EIF4A3: variants seen among roughly 807,000 people sequenced by gnomAD.
EIF4A3 encodes the protein eukaryotic initiation factor 4A-III.
Under a neutral mutation model 55.6 loss-of-function variants are expected in EIF4A3, and 1 was observed. That is an observed-to-expected ratio of 0.02 (90% CI 0.01 to 0.09). The LOEUF (loss-of-function observed/expected upper bound fraction) is 0.09. Ranked by LOEUF, EIF4A3 falls within the 10% of genes least tolerant of loss-of-function variation. The probability of loss-of-function intolerance (pLI) is 1.00; values close to 1 mark genes in which losing one functional copy is unlikely to be tolerated. For synonymous variants in EIF4A3, 194 were observed against 196.3 expected, an observed-to-expected ratio of 0.99 and a Z score of 0.10; for missense variants, 221 against 540.7, an observed-to-expected ratio of 0.41 and a Z score of 5.86.
At chr17:80,138,543 A>G (rs558384464) in intron 7 of EIF4A3, 27 of 439,476 alleles carry the variant, frequency 6.1e-5, no homozygotes, top group Non-Finnish European at 9.8e-5. Context: ...ATAGTCACCT[A>G]ATTTTTAAAT....
In EIF4A3 at chr17:80,139,168, A is replaced by T; in HGVS notation, c.587-6T>A. ...GTAAATCTGCTCTTTGAAACCTGGG[A>T]CAGGGAGCAAGACAGGTGAGGGATG... On this transcript the variant is annotated splice_polypyrimidine_tract_variant and splice_region_variant and intron_variant, in intron 6 of 11. Coordinates refer to ENST00000649764, the MANE Select transcript of EIF4A3 (RefSeq NM_014740.4). 3.1e-6 allele frequency: 5 copies of T among 1,614,032 alleles called. No homozygotes were observed.
In EIF4A3 at chr17:80,138,763, AT is replaced by A. The variant is rs2143988840; in HGVS notation, c.728+257del. 3 of 444,540 alleles carry A rather than the reference AT, an allele frequency of 6.7e-6. No individual in the cohort carries two copies. The South Asian group carries it at 8.1e-5, about 12-fold the overall frequency. The allele number at this position is 444,540 out of a possible 1,614,324, so 27.5% of individuals were successfully genotyped here. ...AGGCATGTGCCGCCCTACCTGGCTA[AT>A]TTTTTATTATTGGTAGAGATACGGT... On this transcript the variant is annotated intron_variant, in intron 7 of 11. Transcript: ENST00000649764.
At chr17:80,136,500 C>A (rs1452582985) in intron 9 of EIF4A3, 165 bp from the exon 10 acceptor site, 2 of 613,254 alleles carry the variant, frequency 3.3e-6, no homozygotes, top group East Asian at 5.5e-5. Context: ...AGGGACAGCA[C>A]CAGAAACCCC....
chr17:80,135,669 G>A, intron 11 of EIF4A3, 163 bp from the exon 12 acceptor site: 1 of 664,046 alleles, frequency 1.5e-6, no homozygotes, highest in Non-Finnish European at 2.6e-6. Flanking sequence ...GCTGAGGTGG[G>A]CAGATCATTT....
chr17:80,144,317 G>A, intron 1 of EIF4A3, 73 bp from the exon 2 acceptor site: 1 of 1,416,684 alleles, frequency 7.1e-7, no homozygotes, highest in Non-Finnish European at 9.9e-7. Context: ...AGCTCCTCAG[G>A]GGCAGACATG....
intron 2 of EIF4A3, among the ~76,000 whole-genome samples, chr17:80,142,099 T>C (rs1002289440): frequency 1.3e-5 from 2 of 152,142 alleles, no homozygotes; most frequent in Non-Finnish European, 2.9e-5. Context: ...CTTCAAGAGG[T>C]GTTTCATAGG....
At position 80,136,345 on chromosome 17, in the gene EIF4A3, G is replaced by A. The variant is rs757440540; in HGVS notation, c.984-10C>T. On this transcript the variant is annotated splice_polypyrimidine_tract_variant and intron_variant, in intron 9 of 11. Coordinates refer to ENST00000649764, the MANE Select transcript of EIF4A3 (RefSeq NM_014740.4). ...AGAAATAAGCACTCGGCTGCAAAAA[G>A]AAAGAGTGTTTGAGGCGATTAAATT... 2 of 1,607,764 alleles carry A rather than the reference G, an allele frequency of 1.2e-6. No individual in the cohort carries two copies. Among genetic ancestry groups the A allele is most frequent in the African/African-American group, 1.3e-5 (1 of 74,660 alleles).
At chr17:80,143,082 C>T (rs1342980279) in intron 2 of EIF4A3, among the ~76,000 whole-genome samples, 3 of 151,980 alleles carry the variant, frequency 2.0e-5, no homozygotes, top group African/African-American at 7.3e-5. Context: ...ATGGTATTAT[C>T]CCAGAAAAGC....
rs1228854929 is a variant in EIF4A3, at chr17:80,146,643, T to TG, written c.169+149dup. ...GTGAGGGCGAGGACGGGGGTGGGGG[T>TG]GGGGGTCGGACGTCACTGGCCCCCG... On this transcript the variant is annotated intron_variant, in intron 1 of 11. Transcript: ENST00000649764. 66 of 895,940 alleles carry TG rather than the reference T, an allele frequency of 7.4e-5. 1 individual carries two copies. The South Asian group carries it at 9.8e-4, about 13-fold the overall frequency. 55.5% of individuals were successfully genotyped at this position (895,940 alleles called of 1,614,324 possible).
chr17:80,141,750 C>T, intron 3 of EIF4A3, 32 bp downstream of exon 3: 5 of 1,580,580 alleles, frequency 3.2e-6, no homozygotes, highest in Non-Finnish European at 4.3e-6. Flanking sequence ...CCTAGAATTA[C>T]ATAACAGTTT....
At position 80,136,299 on chromosome 17, in the gene EIF4A3, C is replaced by G. The variant is rs749945591; in HGVS notation, c.1020G>C (p.Gly340=). ...TGAGGGACACCTGAGGGACATCCAA[C>G]CCCCTGGCCCAGACATCTGTAGAAA... ...VLISTDVWAR[G]LDVPQVSLII... The change falls in exon 10 of 12, where the codon GGG becomes GGC. Residue 340 remains glycine (G), a synonymous_variant. Coordinates refer to ENST00000649764, the MANE Select transcript of EIF4A3 (RefSeq NM_014740.4). 4 of 1,614,074 alleles carry G rather than the reference C, an allele frequency of 2.5e-6. No individual in the cohort carries two copies. The highest frequency in any genetic ancestry group is 2.5e-6 in the Non-Finnish European group (3 of 1,179,976).
rs1239117366 is a variant in EIF4A3, at chr17:80,134,448, G to GT, written c.*1041dup. Among the ~76,000 whole-genome samples the GT allele has an allele frequency of 6.6e-6, 1 of 151,952 alleles. No homozygotes were observed. Among genetic ancestry groups the GT allele is most frequent in the Non-Finnish European group, 1.5e-5 (1 of 68,014 alleles). ...TCTGTTTTAGTTTGTCAACATTGTGGTAAGTCATGATCCTGCCACTATACT... is the reference window on the plus strand; with the variant it reads ...TCTGTTTTAGTTTGTCAACATTGTGGTTAAGTCATGATCCTGCCACTATACT... On this transcript the variant is annotated 3_prime_UTR_variant, in exon 12 of 12. Transcript: ENST00000649764.
chr17:80,139,897 A>G (rs539076177), intron 5 of EIF4A3, 111 bp downstream of exon 5: 2 of 1,526,544 alleles, frequency 1.3e-6, no homozygotes, highest in African/African-American at 2.8e-5. Flanking sequence ...CAAGTGACCC[A>G]GGTGCAAAAG....
At chr17:80,140,418 A>G (rs903563122) in intron 4 of EIF4A3, 41 of 269,134 alleles carry the variant, frequency 1.5e-4, no homozygotes, top group Non-Finnish European at 2.4e-4. Context: ...GGTTCACGCC[A>G]TTCTCCCGCC....
At chr17:80,135,714 G>A (rs183214166) in intron 11 of EIF4A3, 2 of 613,652 alleles carry the variant, frequency 3.3e-6, no homozygotes, top group Non-Finnish European at 5.8e-6. Context: ...TGGCCAACAT[G>A]GTGAAACCCC....
intron 11 of EIF4A3, 35 bp downstream of exon 11, chr17:80,135,969 C>A: frequency 6.2e-7 from 1 of 1,602,972 alleles, no homozygotes; most frequent in Non-Finnish European, 8.5e-7. Flanking sequence ...GGGAAGTTCC[C>A]TCTACAATTA....
intron 1 of EIF4A3, among the ~76,000 whole-genome samples, chr17:80,146,493 G>A (rs1478181003): frequency 6.6e-6 from 1 of 152,222 alleles, no homozygotes; most frequent in Non-Finnish European, 1.5e-5. Context: ...AAAGCTAATA[G>A]GTAGAAATCA....
At chr17:80,139,277 G>A in intron 6 of EIF4A3, 115 bp from the exon 7 acceptor site, 1 of 1,396,132 alleles carries the variant, frequency 7.2e-7, no homozygotes, top group South Asian at 1.4e-5. Flanking sequence ...AGGTACGTTT[G>A]ACAGGAAATC....
At position 80,146,955 on chromosome 17, in the gene EIF4A3, T is replaced by G; in HGVS notation, c.7A>C (p.Thr3Pro). 1 of 1,605,322 alleles carries G rather than the reference T, an allele frequency of 6.2e-7. No individual in the cohort carries two copies. ...CCCGAGGTCGCCATCGTGGCCGTGG[T>G]CGCCATGATTCAGAGTCCGCGGAAG... is the stretch of plus-strand genomic sequence containing the variant. Reference protein sequence around the residue: MATTATMATSGSA... With the variant: MAPTATMATSGSA... Residue 3 changes from threonine to proline, a missense_variant, in exon 1 of 12, where the codon ACC (threonine) becomes CCC (proline). By Grantham distance (38) the Thr-to-Pro change is conservative (BLOSUM62 -1). Coordinates refer to ENST00000649764, the MANE Select transcript of EIF4A3 (RefSeq NM_014740.4).
Sources: allele counts gnomAD v4.1 joint callset (sites outside exome capture counted in the v4.1 genomes callset), GRCh38; gene constraint gnomAD v4.1.1; transcripts MANE v1.5; gene names NCBI Gene and HGNC (gene_info 2026-07-23, HGNC 2026-07-21).